The following ELMO1 variants were observed in gnomAD, a reference collection of about 807,000 sequenced individuals.
ELMO1 encodes the protein engulfment and cell motility protein 1.
Under a neutral mutation model 98.9 loss-of-function variants are expected in ELMO1, and 26 were observed. The ratio of observed to expected loss-of-function variants is 0.26; its 90% CI spans 0.19 to 0.36. The LOEUF is 0.36. Ranked by LOEUF, ELMO1 falls within the 10% of genes least tolerant of loss-of-function variation. The pLI, the probability that ELMO1 is intolerant of heterozygous loss-of-function variation, is 1.00. For missense variants in ELMO1, 627 were observed against 935.2 expected, an observed-to-expected ratio of 0.67 and a Z score of 4.30; for synonymous variants, 346 against 346.0, an observed-to-expected ratio of 1.00 and a Z score of 0.00.
chr7:37,034,394 CATG>C (rs1795061053), intron 15 of ELMO1, among the ~76,000 whole-genome samples: 1 of 152,094 alleles, frequency 6.6e-6, no homozygotes, highest in South Asian at 2.1e-4. Context: ...CCTCTGTAAT[CATG>C]ATTTTTTTAA....
chr7:36,945,977 T>C (rs182733863), intron 16 of ELMO1, among the ~76,000 whole-genome samples: 65 of 152,334 alleles, frequency 4.3e-4, no homozygotes, highest in African/African-American at 1.5e-3. Flanking sequence ...AGGTAGGTTA[T>C]TGAAATGACT....
intron 13 of ELMO1, among the ~76,000 whole-genome samples, chr7:37,208,726 A>C (rs1000660088): frequency 2.0e-5 from 3 of 152,226 alleles, no homozygotes; most frequent in Non-Finnish European, 4.4e-5. Context: ...GGTATTCAAA[A>C]GTGAAAATAT....
At chr7:36,958,875 G>A (rs1788694256) in intron 16 of ELMO1, among the ~76,000 whole-genome samples, 1 of 151,842 alleles carries the variant, frequency 6.6e-6, no homozygotes, top group South Asian at 2.1e-4. Flanking sequence ...TCAATTATGT[G>A]TGAACAACTA....
chr7:37,203,512 T>TCC (rs1792415701), intron 13 of ELMO1, among the ~76,000 whole-genome samples: 1 of 152,072 alleles, frequency 6.6e-6, no homozygotes. Flanking sequence ...TTCCAGATAG[T>TCC]CCCCCTACAA....
In ELMO1 at chr7:36,901,565, G is replaced by C. The variant is rs1806507727; in HGVS notation, c.1438-6548C>G. Among the ~76,000 whole-genome samples, 3 of 152,194 alleles carry C rather than the reference G, an allele frequency of 2.0e-5. 1 individual carries two copies. In the South Asian group the frequency reaches 6.2e-4, roughly 32 times the overall value. On this transcript the variant is annotated intron_variant, in intron 16 of 21. Transcript: ENST00000310758. ...TGGATTTGGCCTGCAGCAGTAGCTT[G>C]CCAATGCCTAGTGTAAAATGAAAAC...
chr7:37,403,076 T>C (rs1392572797), intron 1 of ELMO1, among the ~76,000 whole-genome samples: 1 of 152,214 alleles, frequency 6.6e-6, no homozygotes, highest in African/African-American at 2.4e-5. Context: ...ATGAATAAAC[T>C]GTAGTATAGA....
At chr7:37,026,173 C>T (rs893016943) in intron 15 of ELMO1, among the ~76,000 whole-genome samples, 1 of 152,070 alleles carries the variant, frequency 6.6e-6, no homozygotes, top group Non-Finnish European at 1.5e-5. Context: ...TAAGTAATTG[C>T]CTGTCCAACC....
intron 5 of ELMO1, among the ~76,000 whole-genome samples, chr7:37,268,285 A>G (rs574747318): frequency 1.3e-5 from 2 of 152,150 alleles, no homozygotes; most frequent in South Asian, 2.1e-4. Context: ...ATTTGCACAC[A>G]TTCTCTGGGT....
At chr7:37,438,269 A>G (rs964554587) in intron 1 of ELMO1, among the ~76,000 whole-genome samples, 9 of 151,184 alleles carry the variant, frequency 6.0e-5, no homozygotes, top group Non-Finnish European at 1.0e-4. Flanking sequence ...TCAGCAAGAT[A>G]GTTTAATAAA....
chr7:36,883,220 G>A (rs10281169), intron 18 of ELMO1, among the ~76,000 whole-genome samples: 48,446 of 152,060 alleles, frequency 0.32, 8,000 homozygotes, highest in Admixed American at 0.39. Flanking sequence ...CAATGAAACA[G>A]ACACTGTCCT....
At chr7:37,327,400 G>A (rs1415495697) in intron 2 of ELMO1, among the ~76,000 whole-genome samples, 1 of 152,228 alleles carries the variant, frequency 6.6e-6, no homozygotes, top group Non-Finnish European at 1.5e-5. Flanking sequence ...CCAATGGATA[G>A]GATGTTATCA....
chr7:36,993,299 T>C (rs991803582), intron 16 of ELMO1, among the ~76,000 whole-genome samples: 2 of 152,220 alleles, frequency 1.3e-5, no homozygotes, highest in African/African-American at 4.8e-5. Context: ...GTTTTAACTT[T>C]GGATCTTGGT....
intron 1 of ELMO1, among the ~76,000 whole-genome samples, chr7:37,350,247 T>C (rs999154409): frequency 6.6e-6 from 1 of 152,160 alleles, no homozygotes; most frequent in Non-Finnish European, 1.5e-5. Flanking sequence ...TGGAATCCAG[T>C]GTGGAGGCTC....
chr7:37,014,478 GT>G (rs1229638149), intron 15 of ELMO1, among the ~76,000 whole-genome samples: 1 of 152,174 alleles, frequency 6.6e-6, no homozygotes, highest in East Asian at 1.9e-4. Flanking sequence ...GAACGTGCAG[GT>G]TTGTTACATA....
Position 37,096,670 on chromosome 7 carries a change from T to C in ELMO1, c.1249A>G (p.Ser417Gly). ...CATAGCATCTTGGTCAGCTCTATAC[T>C]ACTGCGGCCAAAGGGACATTCATGC... ...DKHECPFGRS[S>G]IELTKMLCEI... is the part of the protein sequence containing the mutation. Residue 417 changes from serine (S) to glycine (G), a missense_variant, in exon 15 of 22, where the codon AGT becomes GGT. Ser to Gly is a moderately conservative substitution (Grantham distance 56, BLOSUM62 0). Transcript: ENST00000310758. The C allele has an allele frequency of 6.2e-7, 1 of 1,614,172 alleles. No homozygotes were observed. Among genetic ancestry groups the C allele is most frequent in the East Asian group, 2.2e-5 (1 of 44,878 alleles).
At chr7:36,969,525 T>TC (rs1264452238) in intron 16 of ELMO1, among the ~76,000 whole-genome samples, 1 of 152,174 alleles carries the variant, frequency 6.6e-6, no homozygotes, top group Non-Finnish European at 1.5e-5. Flanking sequence ...CACAATTGCT[T>TC]CCCCCCACTT....
At chr7:37,018,332 G>C (rs1353609935) in intron 15 of ELMO1, among the ~76,000 whole-genome samples, 3 of 151,850 alleles carry the variant, frequency 2.0e-5, no homozygotes, top group Non-Finnish European at 4.4e-5. Context: ...CTCCATGCTG[G>C]TCAGGCTGGT....
intron 1 of ELMO1, among the ~76,000 whole-genome samples, chr7:37,357,343 T>C (rs1010267342): frequency 6.6e-6 from 1 of 152,164 alleles, no homozygotes; most frequent in Non-Finnish European, 1.5e-5. Flanking sequence ...TGAACACAGG[T>C]ATCACACCCT....
chr7:37,108,121 T>G (rs12113635), intron 14 of ELMO1, among the ~76,000 whole-genome samples: 2,780 of 152,338 alleles, frequency 0.018, 81 homozygotes, highest in African/African-American at 0.064. Flanking sequence ...TACTTGAGGT[T>G]AAAAAAGCAT....
Sources: gnomAD v4.1 joint callset for allele counts (sites outside exome capture counted in the v4.1 genomes callset) on GRCh38, gnomAD v4.1.1 for gene constraint, MANE v1.5 for transcripts, NCBI Gene and HGNC (gene_info 2026-07-23, HGNC 2026-07-21) for gene names.